PPM1L: variants seen among roughly 807,000 people sequenced by gnomAD.
PPM1L encodes the protein protein phosphatase, Mg2+/Mn2+ dependent 1L.
In PPM1L, 13 loss-of-function variants were observed where a neutral mutation model predicts 31.4. That is an observed-to-expected ratio of 0.41 (90% CI 0.27 to 0.66). The LOEUF (loss-of-function observed/expected upper bound fraction) is 0.66. Among genes scored for constraint, PPM1L ranks in the 30% least tolerant of loss-of-function variants. The probability of loss-of-function intolerance (pLI) is 0.29; values close to 1 mark genes in which losing one functional copy is unlikely to be tolerated. For missense variants in PPM1L, 326 were observed against 453.7 expected (o/e 0.72, Z 2.56); for synonymous variants, 184 against 175.4 (o/e 1.05, Z -0.39).
At chr3:160,907,934 G>A (rs573815949) in intron 1 of PPM1L, among the ~76,000 whole-genome samples, 10 of 152,286 alleles carry the variant, frequency 6.6e-5, no homozygotes, top group Admixed American at 3.3e-4. Flanking sequence ...CCAAACCTAC[G>A]AGAATCCAGA....
chr3:160,925,311 A>C (rs1714549775), intron 1 of PPM1L, among the ~76,000 whole-genome samples: 1 of 152,154 alleles, frequency 6.6e-6, no homozygotes, highest in South Asian at 2.1e-4. Context: ...GGAAATGGGA[A>C]TCATGAATTT....
At chr3:160,829,450 A>C (rs1038765673) in intron 1 of PPM1L, among the ~76,000 whole-genome samples, 1 of 151,814 alleles carries the variant, frequency 6.6e-6, no homozygotes, top group Non-Finnish European at 1.5e-5. Context: ...CTCTTTTCAC[A>C]CTCTTCTGAT....
chr3:160,949,782 T>C (rs1024223699), intron 1 of PPM1L, among the ~76,000 whole-genome samples: 5 of 152,208 alleles, frequency 3.3e-5, no homozygotes, highest in Non-Finnish European at 5.9e-5. Context: ...GGTTGAGAGC[T>C]GTAACGGAGA....
chr3:160,849,555 G>A (rs1192269968), intron 1 of PPM1L, among the ~76,000 whole-genome samples: 4 of 152,018 alleles, frequency 2.6e-5, no homozygotes, highest in South Asian at 4.2e-4. Flanking sequence ...CGAGTAGCTG[G>A]GACTACAGGT....
At chr3:160,776,192 A>G (rs1711554923) in intron 1 of PPM1L, among the ~76,000 whole-genome samples, 1 of 152,234 alleles carries the variant, frequency 6.6e-6, no homozygotes, top group South Asian at 2.1e-4. Context: ...TACAAAATGG[A>G]CATTTTCTAC....
chr3:160,765,332 C>G (rs113863175), intron 1 of PPM1L, among the ~76,000 whole-genome samples: 2,495 of 152,274 alleles, frequency 0.016, 59 homozygotes, highest in African/African-American at 0.057. Context: ...CTAATTTGGT[C>G]AATGAAGTGC....
At chr3:160,959,161 G>A (rs1438401198) in intron 1 of PPM1L, among the ~76,000 whole-genome samples, 6 of 152,192 alleles carry the variant, frequency 3.9e-5, no homozygotes, top group African/African-American at 9.6e-5. Context: ...TTTAGATGGC[G>A]TTGGAGACCG....
At chr3:160,920,492 T>A (rs966251316) in intron 1 of PPM1L, among the ~76,000 whole-genome samples, 3 of 152,120 alleles carry the variant, frequency 2.0e-5, no homozygotes, top group African/African-American at 4.8e-5. Flanking sequence ...ACTTGATTTT[T>A]AGGAGTGCGG....
At chr3:160,889,468 G>T (rs992015155) in intron 1 of PPM1L, among the ~76,000 whole-genome samples, 1 of 152,060 alleles carries the variant, frequency 6.6e-6, no homozygotes, top group East Asian at 1.9e-4. Context: ...TGAATCCTTG[G>T]ATGAGACCAA....
chr3:160,973,764 G>GTTTTTTTTTTTTTTTTTTTTTTTTTTTT (rs75599237), intron 2 of PPM1L, among the ~76,000 whole-genome samples: 4 of 88,478 alleles, frequency 4.5e-5, no homozygotes, highest in Non-Finnish European at 7.7e-5. Context: ...GAAAGGCCCT[G>GTTTTTTTTTTTTTTTTTTTTTTTTTTTT]TTTTTTTTTT....
chr3:161,001,557 A>G (rs1482450846), intron 2 of PPM1L, among the ~76,000 whole-genome samples: 1 of 152,196 alleles, frequency 6.6e-6, no homozygotes, highest in Non-Finnish European at 1.5e-5. Flanking sequence ...ACAGTTTTAA[A>G]GCAAACAAAA....
intron 1 of PPM1L, among the ~76,000 whole-genome samples, chr3:160,796,565 AGTTT>A (rs1712257134): frequency 6.6e-6 from 1 of 152,220 alleles, no homozygotes; most frequent in Non-Finnish European, 1.5e-5. Flanking sequence ...GACCTTAATT[AGTTT>A]GAGTATTCTG....
chr3:161,050,036 A>G (rs1353844712), intron 2 of PPM1L, among the ~76,000 whole-genome samples: 4 of 152,106 alleles, frequency 2.6e-5, no homozygotes, highest in African/African-American at 9.7e-5. Context: ...GCATCTAACC[A>G]TGTGGTATGG....
chr3:161,028,350 C>G (rs946327516), intron 2 of PPM1L, among the ~76,000 whole-genome samples: 15 of 152,082 alleles, frequency 9.9e-5, no homozygotes, highest in Non-Finnish European at 2.1e-4. Flanking sequence ...AGTTTGGACA[C>G]TCAGGCTGGG....
At chr3:161,027,455 G>A (rs1378932536) in intron 2 of PPM1L, among the ~76,000 whole-genome samples, 2 of 152,190 alleles carry the variant, frequency 1.3e-5, no homozygotes, top group Non-Finnish European at 2.9e-5. Context: ...CCTCACAATC[G>A]TGGCAGAAGG....
chr3:161,032,612 G>A (rs1293876357), intron 2 of PPM1L, among the ~76,000 whole-genome samples: 1 of 151,984 alleles, frequency 6.6e-6, no homozygotes, highest in Non-Finnish European at 1.5e-5. Flanking sequence ...GAGGGAGGAA[G>A]TAGAGGTGGC....
At chr3:160,985,827 C>T (rs1716945134) in intron 2 of PPM1L, among the ~76,000 whole-genome samples, 1 of 151,736 alleles carries the variant, frequency 6.6e-6, no homozygotes, top group South Asian at 2.1e-4. Flanking sequence ...TTCCTTTAAC[C>T]ATTTCCTCTC....
chr3:160,853,527 A>G (rs1166211163), intron 1 of PPM1L, among the ~76,000 whole-genome samples: 1 of 152,180 alleles, frequency 6.6e-6, no homozygotes, highest in African/African-American at 2.4e-5. Flanking sequence ...GAAAGGGAAG[A>G]TAATGATCTC....
intron 1 of PPM1L, among the ~76,000 whole-genome samples, chr3:160,814,582 T>C (rs6804105): frequency 0.019 from 1,694 of 91,252 alleles, 31 homozygotes; most frequent in African/African-American, 0.037. Context: ...TGTATATATA[T>C]ACACACACAT....
Sources: allele counts gnomAD v4.1 joint callset (sites outside exome capture counted in the v4.1 genomes callset), GRCh38; gene constraint gnomAD v4.1.1; transcripts MANE v1.5; gene names NCBI Gene and HGNC (gene_info 2026-07-23, HGNC 2026-07-21).